PTPRD: variants seen among roughly 807,000 people sequenced by gnomAD.
PTPRD encodes receptor-type tyrosine-protein phosphatase delta.
Under a neutral mutation model 214.5 loss-of-function variants are expected in PTPRD, and 34 were observed. The observed-to-expected ratio is 0.16, with a 90% CI of 0.12 to 0.21. The LOEUF is 0.21. Among genes scored for constraint, PTPRD ranks in the 10% least tolerant of loss-of-function variants. The pLI, the probability that PTPRD is intolerant of heterozygous loss-of-function variation, is 1.00. For missense variants in PTPRD, 2,545 were observed against 2,398.7 expected (o/e 1.06, Z -1.27); for synonymous variants, 1,128 against 845.7 (o/e 1.33, Z -5.79).
intron 8 of PTPRD, among the ~76,000 whole-genome samples, chr9:9,497,371 G>T (rs778535931): frequency 6.6e-6 from 1 of 152,016 alleles, no homozygotes; most frequent in South Asian, 2.1e-4. Flanking sequence ...TCTATATTTT[G>T]GTGCATAGAA....
At chr9:8,850,291 G>A (rs1174528557) in intron 11 of PTPRD, among the ~76,000 whole-genome samples, 1 of 152,156 alleles carries the variant, frequency 6.6e-6, no homozygotes, top group Non-Finnish European at 1.5e-5. Context: ...TCTATGAGAA[G>A]TGGATAGACA....
At chr9:8,642,226 T>C (rs1199525666) in intron 12 of PTPRD, among the ~76,000 whole-genome samples, 3 of 152,222 alleles carry the variant, frequency 2.0e-5, no homozygotes, top group African/African-American at 2.4e-5. Flanking sequence ...GAGGGTGCCA[T>C]TTATCTAATT....
intron 11 of PTPRD, among the ~76,000 whole-genome samples, chr9:8,816,878 C>T (rs1348382208): frequency 6.6e-6 from 1 of 152,154 alleles, no homozygotes; most frequent in Non-Finnish European, 1.5e-5. Flanking sequence ...CTAAGGAATA[C>T]AACAACAGAA....
At chr9:9,113,003 C>A (rs943070758) in intron 10 of PTPRD, among the ~76,000 whole-genome samples, 1 of 150,276 alleles carries the variant, frequency 6.7e-6, no homozygotes, top group African/African-American at 2.5e-5. Context: ...CTCTTTCTGT[C>A]ACCTAGGCTT....
chr9:10,611,284 G>A (rs1303912483), intron 2 of PTPRD, among the ~76,000 whole-genome samples: 1 of 152,078 alleles, frequency 6.6e-6, no homozygotes, highest in African/African-American at 2.4e-5. Flanking sequence ...TGTCTAAGTT[G>A]CAACTCCTAC....
chr9:8,343,560 G>A (rs1295573047), intron 39 of PTPRD, among the ~76,000 whole-genome samples: 1 of 151,998 alleles, frequency 6.6e-6, no homozygotes, highest in African/African-American at 2.4e-5. Context: ...AAACCTGTTA[G>A]ATGGCGAGTT....
Position 10,190,411 on chromosome 9 carries a change from A to C in PTPRD, c.-545+150552T>G, listed in dbSNP as rs1385029222. Among the ~76,000 whole-genome samples, 542 of 90,024 alleles carry C rather than the reference A, an allele frequency of 6.0e-3. 2 individuals are homozygous for C. The highest frequency in any genetic ancestry group is 0.026 in the Middle Eastern group (4 of 152). 59.1% of individuals were successfully genotyped at this position (90,024 alleles called of 152,430 possible). On this transcript the variant is annotated intron_variant, in intron 3 of 45. Coordinates refer to ENST00000381196, the MANE Select transcript of PTPRD (RefSeq NM_002839.4). The stretch of plus-strand genomic sequence containing the variant: ...GAAAAAAAAAAAAAAAAAAAAAAAA[A>C]AAAAAAAAACAAAAAGTCAAAGTGG...
intron 4 of PTPRD, among the ~76,000 whole-genome samples, chr9:9,968,403 A>T (rs2094854312): frequency 6.6e-6 from 1 of 152,252 alleles, no homozygotes; most frequent in Non-Finnish European, 1.5e-5. Context: ...TAACAGCAAG[A>T]TATTAAAACA....
At chr9:9,377,087 AT>A (rs748241749) in intron 9 of PTPRD, among the ~76,000 whole-genome samples, 20 of 151,480 alleles carry the variant, frequency 1.3e-4, no homozygotes, top group South Asian at 2.1e-4. Flanking sequence ...GGCAACATAT[AT>A]TTTTTTTTAA....
At chr9:10,228,689 T>A (rs926485831) in intron 3 of PTPRD, among the ~76,000 whole-genome samples, 3 of 150,654 alleles carry the variant, frequency 2.0e-5, no homozygotes, top group African/African-American at 7.3e-5. Flanking sequence ...AAAGTAAAAG[T>A]AAATAAAGCT....
intron 11 of PTPRD, among the ~76,000 whole-genome samples, chr9:8,960,442 G>A (rs1006459431): frequency 2.6e-5 from 4 of 152,078 alleles, no homozygotes; most frequent in African/African-American, 4.8e-5. Flanking sequence ...TGTGCTTTGC[G>A]TAGGCAGCAA....
chr9:9,926,046 G>A (rs369057334), intron 5 of PTPRD, among the ~76,000 whole-genome samples: 1 of 151,930 alleles, frequency 6.6e-6, no homozygotes, highest in African/African-American at 2.4e-5. Context: ...GCCCAGGCTG[G>A]TCTAGACTCC....
At chr9:8,544,937 A>C (rs2079595002) in intron 14 of PTPRD, among the ~76,000 whole-genome samples, 1 of 146,500 alleles carries the variant, frequency 6.8e-6, no homozygotes, top group Non-Finnish European at 1.5e-5. Flanking sequence ...CTTTTGTATC[A>C]AAGTGCCTTC....
At chr9:8,965,278 G>A (rs1187861563) in intron 11 of PTPRD, among the ~76,000 whole-genome samples, 1 of 151,966 alleles carries the variant, frequency 6.6e-6, no homozygotes, top group Non-Finnish European at 1.5e-5. Flanking sequence ...TACTAGGGAG[G>A]CTGAGGCAGG....
In PTPRD at chr9:8,518,256, T is replaced by C; in HGVS notation, c.1135A>G (p.Ser379Gly). ...EIDGVATTRY[S>G]VAGLSPYSDY... The stretch of plus-strand genomic sequence containing the variant: ...GAGTAGGGACTTAGTCCAGCGACAC[T>C]GTAGCGTGTGGTCGCCACCCCATCA... Residue 379 changes from serine to glycine, a missense_variant, in exon 21 of 46, where the codon AGT (serine) becomes GGT (glycine). By Grantham distance (56) the Ser-to-Gly change is moderately conservative. Coordinates refer to ENST00000381196, the MANE Select transcript of PTPRD (RefSeq NM_002839.4). The C allele has an allele frequency of 6.2e-7, 1 of 1,614,182 alleles. No individual in the cohort carries two copies. Among genetic ancestry groups the C allele is most frequent in the African/African-American group, 1.3e-5 (1 of 75,050 alleles).
intron 5 of PTPRD, among the ~76,000 whole-genome samples, chr9:9,878,968 G>A (rs954760977): frequency 3.3e-5 from 5 of 152,124 alleles, no homozygotes; most frequent in Non-Finnish European, 5.9e-5. Context: ...ATGAATGGAT[G>A]AATGAATAAA....
At chr9:8,332,901 A>T (rs772282921) in intron 43 of PTPRD, among the ~76,000 whole-genome samples, 3 of 152,154 alleles carry the variant, frequency 2.0e-5, no homozygotes, top group Non-Finnish European at 4.4e-5. Flanking sequence ...CTGTTAACAC[A>T]TTATTTCCTC....
intron 7 of PTPRD, among the ~76,000 whole-genome samples, chr9:9,664,959 G>A (rs2096688750): frequency 6.6e-6 from 1 of 151,520 alleles, no homozygotes; most frequent in Non-Finnish European, 1.5e-5. Context: ...TTATTTCATT[G>A]AATGAAAACT....
rs1218842955 is a variant in PTPRD at position 10,603,091 on chromosome 9, CT to C, written c.-600+9306del. 9.2e-5 allele frequency among the ~76,000 whole-genome samples: 14 copies of C among 151,754 alleles called. 1 individual carries two copies. Among genetic ancestry groups the C allele is most frequent in the Non-Finnish European group, 7.4e-5 (5 of 67,816 alleles). On this transcript the variant is annotated intron_variant, in intron 2 of 45. Transcript: ENST00000381196. ...TACCATAAAATCTGACGCCAAGAGG[CT>C]GTAGAGGTTAGAGTGGTAGGAACTG...
Sources: gnomAD v4.1 joint callset for allele counts (sites outside exome capture counted in the v4.1 genomes callset) on GRCh38, gnomAD v4.1.1 for gene constraint, MANE v1.5 for transcripts, NCBI Gene and HGNC (gene_info 2026-07-23, HGNC 2026-07-21) for gene names.